RPH3A: variants seen among roughly 807,000 people sequenced by gnomAD.
RPH3A encodes the protein rabphilin 3A.
RPH3A carries 48 observed loss-of-function variants against 102.2 expected under a neutral mutation model. That is an observed-to-expected ratio of 0.47 (90% confidence interval 0.37 to 0.60). The LOEUF (loss-of-function observed/expected upper bound fraction) is 0.60. Ranked by LOEUF, RPH3A falls within the 20% of genes least tolerant of loss-of-function variation. RPH3A has a pLI of 0.00. For synonymous variants in RPH3A, 310 were observed against 324.3 expected (o/e 0.96, Z 0.47); for missense variants, 781 against 910.1 (o/e 0.86, Z 1.83).
intron 16 of RPH3A, among the ~76,000 whole-genome samples, chr12:112,887,389 A>G (rs185440069): frequency 1.6e-4 from 24 of 152,360 alleles, no homozygotes; most frequent in African/African-American, 4.6e-4. Flanking sequence ...AAGAGTCTAT[A>G]TTATATGATT....
At chr12:112,618,341 A>C (rs2039696890) in intron 1 of RPH3A, among the ~76,000 whole-genome samples, 1 of 152,198 alleles carries the variant, frequency 6.6e-6, no homozygotes, top group Non-Finnish European at 1.5e-5. Context: ...GCTATTCTGC[A>C]GAGCAATTCC....
At chr12:112,665,125 C>T (rs763119943) in intron 1 of RPH3A, among the ~76,000 whole-genome samples, 12 of 152,158 alleles carry the variant, frequency 7.9e-5, no homozygotes, top group Non-Finnish European at 1.3e-4. Context: ...TTTCATCTCA[C>T]TTTCCTACTG....
chr12:112,889,937 G>A, intron 17 of RPH3A, 87 bp from the exon 18 acceptor site: 2 of 1,198,060 alleles, frequency 1.7e-6, no homozygotes, highest in East Asian at 4.7e-5. Flanking sequence ...GGATGGTAAT[G>A]GAAGTATGAG....
chr12:112,609,509 T>G (rs1390509593), intron 1 of RPH3A, among the ~76,000 whole-genome samples: 1 of 152,200 alleles, frequency 6.6e-6, no homozygotes, highest in Non-Finnish European at 1.5e-5. Context: ...CTGCCTATTG[T>G]TTGGTTTGCC....
chr12:112,836,320 G>A lies in RPH3A; in HGVS notation c.72-171G>A, dbSNP rs1001914604. On this transcript the variant is annotated intron_variant, in intron 3 of 21. Transcript: ENST00000389385. ...AATTTCATAATGCTATGTTGAAGCA[G>A]CCTTGTGTTAGATATGCTGAAATAA... Among the ~76,000 whole-genome samples the A allele has an allele frequency of 2.0e-5, 3 of 152,202 alleles. No homozygotes were observed. In the East Asian group the frequency reaches 5.8e-4, roughly 29 times the overall value.
At chr12:112,856,380 G>A (rs181357667) in intron 5 of RPH3A, among the ~76,000 whole-genome samples, 115 of 152,328 alleles carry the variant, frequency 7.5e-4, no homozygotes, top group Non-Finnish European at 1.3e-3. Context: ...GACCTTACTC[G>A]AAGAAGGCAA....
intron 1 of RPH3A, among the ~76,000 whole-genome samples, chr12:112,751,998 C>T (rs767948054): frequency 1.4e-4 from 22 of 152,108 alleles, no homozygotes; most frequent in South Asian, 4.1e-4. Context: ...ATTAGTGCTG[C>T]TTTTGTAAGA....
intron 1 of RPH3A, among the ~76,000 whole-genome samples, chr12:112,716,520 G>A (rs191201596): frequency 1.8e-4 from 27 of 152,282 alleles, no homozygotes; most frequent in African/African-American, 6.0e-4. Flanking sequence ...CTATCTTCAC[G>A]TATCGCTTCT....
rs945911977 is a variant in RPH3A at position 112,898,286 on chromosome 12, A to G, written c.*1506A>G. On this transcript the variant is annotated 3_prime_UTR_variant, in exon 22 of 22. Transcript: ENST00000389385. ...ACAAATTTGAGGTTGAAGTCAGGCA[A>G]TCTTCAATGCCCTGTGAGAAAGGTT... 2.6e-5 allele frequency: 4 copies of G among 152,198 alleles called. No homozygotes were observed. The highest frequency in any genetic ancestry group is 6.5e-5 in the Admixed American group (1 of 15,280). The allele number at this position is 152,198 out of a possible 1,614,324, so 9.4% of individuals were successfully genotyped here.
chr12:112,595,573 T>C (rs2039510671), intron 1 of RPH3A, among the ~76,000 whole-genome samples: 1 of 152,140 alleles, frequency 6.6e-6, no homozygotes, highest in South Asian at 2.1e-4. Flanking sequence ...TTTTTTGGCA[T>C]TGGTGGAGAA....
chr12:112,757,765 T>C (rs1170701797), intron 1 of RPH3A, among the ~76,000 whole-genome samples: 1 of 152,154 alleles, frequency 6.6e-6, no homozygotes, highest in Admixed American at 6.5e-5. Flanking sequence ...AGTGGGTCTA[T>C]AGGCTTTAGG....
In RPH3A at chr12:112,867,607, T is replaced by C. The variant is rs565051787; in HGVS notation, c.444+767T>C. Among the ~76,000 whole-genome samples, 3 of 152,294 alleles carry C rather than the reference T, an allele frequency of 2.0e-5. No homozygotes were observed. In the East Asian group the frequency reaches 5.8e-4, roughly 29 times the overall value. On this transcript the variant is annotated intron_variant, in intron 7 of 21. Transcript: ENST00000389385. ...AGCACCAGCAAAAACAGGTTTGCTG[T>C]TTCCCCTTCTAAGGCTGAAGAGATA... is the stretch of plus-strand genomic sequence containing the variant.
At chr12:112,784,008 A>C (rs1038176098) in intron 1 of RPH3A, among the ~76,000 whole-genome samples, 1 of 152,166 alleles carries the variant, frequency 6.6e-6, no homozygotes, top group African/African-American at 2.4e-5. Context: ...TGAAAGACCT[A>C]TCTGGAAATA....
intron 2 of RPH3A, among the ~76,000 whole-genome samples, chr12:112,826,448 A>G (rs2041874952): frequency 6.6e-6 from 1 of 152,168 alleles, no homozygotes; most frequent in South Asian, 2.1e-4. Context: ...TTTCGGGATG[A>G]AGGGAAGGCC....
chr12:112,748,840 T>A (rs2040765465), intron 1 of RPH3A, among the ~76,000 whole-genome samples: 1 of 152,166 alleles, frequency 6.6e-6, no homozygotes, highest in African/African-American at 2.4e-5. Context: ...GAACTGATAT[T>A]TTGGGAGATG....
chr12:112,704,144 A>G (rs181921652), intron 1 of RPH3A, among the ~76,000 whole-genome samples: 1 of 150,074 alleles, frequency 6.7e-6, no homozygotes, highest in African/African-American at 2.5e-5. Flanking sequence ...GCTGGAGTGC[A>G]GTGGCATGAT....
At chr12:112,616,238 C>T (rs2039678371) in intron 1 of RPH3A, among the ~76,000 whole-genome samples, 1 of 152,202 alleles carries the variant, frequency 6.6e-6, no homozygotes, top group South Asian at 2.1e-4. Context: ...CCTCCGCCTC[C>T]CGGGTTCAAG....
At chr12:112,723,483 A>G (rs1030003465) in intron 1 of RPH3A, among the ~76,000 whole-genome samples, 2 of 152,200 alleles carry the variant, frequency 1.3e-5, no homozygotes, top group African/African-American at 4.8e-5. Flanking sequence ...GCAGCTGCAG[A>G]CCTCAATCCA....
At chr12:112,831,040 C>T (rs1261493833) in intron 3 of RPH3A, among the ~76,000 whole-genome samples, 2 of 151,872 alleles carry the variant, frequency 1.3e-5, no homozygotes, top group Admixed American at 6.6e-5. Flanking sequence ...ATTGCAACTA[C>T]TCCACTTTCA....
Sources: gnomAD v4.1 joint callset for allele counts (sites outside exome capture counted in the v4.1 genomes callset) on GRCh38, gnomAD v4.1.1 for gene constraint, MANE v1.5 for transcripts, NCBI Gene and HGNC (gene_info 2026-07-23, HGNC 2026-07-21) for gene names.